THSD7B: variants seen among roughly 807,000 people sequenced by gnomAD.
THSD7B encodes the protein thrombospondin type 1 domain containing 7B.
In THSD7B, 138 loss-of-function variants were observed where a neutral mutation model predicts 213.6. The ratio of observed to expected loss-of-function variants is 0.65; its 90% confidence interval spans 0.56 to 0.74. The LOEUF is 0.74. THSD7B is among the 30% of genes least tolerant of loss of function. The probability of loss-of-function intolerance (pLI) is 0.00; values close to 1 mark genes in which losing one functional copy is unlikely to be tolerated. For missense variants in THSD7B, 1,931 were observed against 1,991.5 expected (o/e 0.97, Z 0.58); for synonymous variants, 742 against 687.0 (o/e 1.08, Z -1.25).
chr2:137,440,394 G>A (rs891270248), intron 14 of THSD7B, among the ~76,000 whole-genome samples: 2 of 151,678 alleles, frequency 1.3e-5, no homozygotes, highest in Non-Finnish European at 2.9e-5. Flanking sequence ...TGATGAGTAG[G>A]GTGAGCCTGG....
At chr2:137,315,944 G>C (rs1684088487) in intron 12 of THSD7B, among the ~76,000 whole-genome samples, 1 of 151,934 alleles carries the variant, frequency 6.6e-6, no homozygotes, top group Non-Finnish European at 1.5e-5. Flanking sequence ...TTTTTTCATT[G>C]TACAGTTATT....
At chr2:136,821,331 T>G (rs565055502) in intron 1 of THSD7B, among the ~76,000 whole-genome samples, 47 of 152,178 alleles carry the variant, frequency 3.1e-4, no homozygotes, top group Non-Finnish European at 6.2e-4. Flanking sequence ...CCTGATAATT[T>G]TGTCATACTT....
chr2:136,781,868 A>G (rs1398861243), intron 1 of THSD7B, among the ~76,000 whole-genome samples: 1 of 152,120 alleles, frequency 6.6e-6, no homozygotes, highest in Non-Finnish European at 1.5e-5. Flanking sequence ...AAATAACACC[A>G]TTACCCTTTC....
chr2:137,510,120 T>C (rs1191003705), intron 15 of THSD7B, among the ~76,000 whole-genome samples: 2 of 152,156 alleles, frequency 1.3e-5, no homozygotes, highest in African/African-American at 2.4e-5. Flanking sequence ...ACATTTAATA[T>C]AGTAATTGGT....
intron 15 of THSD7B, among the ~76,000 whole-genome samples, chr2:137,562,455 T>C (rs1681139187): frequency 6.6e-6 from 1 of 151,948 alleles, no homozygotes; most frequent in Non-Finnish European, 1.5e-5. Context: ...CAATTTCAGT[T>C]AAAAAAAATC....
intron 7 of THSD7B, among the ~76,000 whole-genome samples, chr2:137,184,908 A>C (rs1232433528): frequency 2.6e-5 from 4 of 152,162 alleles, no homozygotes; most frequent in Non-Finnish European, 5.9e-5. Context: ...CCCAAAATGA[A>C]ATTATTGGGA....
rs1340232042 is a variant in THSD7B, at chr2:137,605,094, AC to A, written c.3424-11080del. Among the ~76,000 whole-genome samples, 13 of 152,298 alleles carry A rather than the reference AC, an allele frequency of 8.5e-5. No homozygotes were observed. The East Asian group carries it at 2.3e-3, about 27-fold the overall frequency. On this transcript the variant is annotated intron_variant, in intron 17 of 27. Coordinates refer to ENST00000409968, the MANE Select transcript of THSD7B (RefSeq NM_001316349.2). ...TCTTCTCACCTCCCAGATTCTGTTC[AC>A]ATTTCAATAAGGCCTGTGGACAAAA...
At chr2:137,591,650 A>G (rs1373373457) in intron 17 of THSD7B, among the ~76,000 whole-genome samples, 3 of 151,956 alleles carry the variant, frequency 2.0e-5, no homozygotes, top group African/African-American at 7.2e-5. Flanking sequence ...TTTGTCATAA[A>G]CCAATCGAAA....
chr2:137,541,612 GCTA>G (rs1680611121), intron 15 of THSD7B, among the ~76,000 whole-genome samples: 1 of 151,574 alleles, frequency 6.6e-6, no homozygotes, highest in Non-Finnish European at 1.5e-5. Context: ...CTATAGTCAT[GCTA>G]CAGTACAGAA....
At chr2:137,448,659 A>C (rs571611321) in intron 14 of THSD7B, among the ~76,000 whole-genome samples, 100 of 152,158 alleles carry the variant, frequency 6.6e-4, no homozygotes, top group African/African-American at 2.1e-3. Context: ...ATTAGCCGGG[A>C]GCGGTGGCGG....
chr2:137,363,918 C>G (rs1573985103), intron 12 of THSD7B, among the ~76,000 whole-genome samples: 1 of 152,138 alleles, frequency 6.6e-6, no homozygotes, highest in Non-Finnish European at 1.5e-5. Context: ...GATACCAAAG[C>G]CTGGCAGAGA....
chr2:137,676,463 T>C, intron 27 of THSD7B, 61 bp from the exon 28 acceptor site: 1 of 1,423,438 alleles, frequency 7.0e-7, no homozygotes, highest in Non-Finnish European at 9.5e-7. Context: ...AAATTGTCTT[T>C]GGCAGATGAA....
At chr2:137,483,118 C>A (rs6756456) in intron 15 of THSD7B, among the ~76,000 whole-genome samples, 1 of 152,198 alleles carries the variant, frequency 6.6e-6, no homozygotes, top group African/African-American at 2.4e-5. Flanking sequence ...TGGTTCTCTG[C>A]TTCCCCTGAC....
chr2:137,031,309 C>T (rs897661026), intron 2 of THSD7B, among the ~76,000 whole-genome samples: 5 of 152,176 alleles, frequency 3.3e-5, no homozygotes, highest in African/African-American at 1.2e-4. Flanking sequence ...CATGCCACTG[C>T]ACTCTAGCCT....
intron 1 of THSD7B, among the ~76,000 whole-genome samples, chr2:136,867,403 A>G (rs1683350162): frequency 6.6e-6 from 1 of 152,334 alleles, no homozygotes; most frequent in Admixed American, 6.5e-5. Context: ...GCATGCAAAC[A>G]AGAAATGCTT....
intron 13 of THSD7B, among the ~76,000 whole-genome samples, chr2:137,407,468 A>T (rs1051195859): frequency 6.6e-6 from 1 of 152,138 alleles, no homozygotes; most frequent in Non-Finnish European, 1.5e-5. Context: ...AAAATGAATC[A>T]TTTAATATCA....
chr2:137,627,358 T>C (rs964754631), intron 20 of THSD7B, among the ~76,000 whole-genome samples: 1 of 152,064 alleles, frequency 6.6e-6, no homozygotes, highest in Non-Finnish European at 1.5e-5. Flanking sequence ...ATCCAAACCA[T>C]AGCAGGCAAA....
intron 15 of THSD7B, among the ~76,000 whole-genome samples, chr2:137,457,242 G>A (rs1687780862): frequency 6.6e-6 from 1 of 152,146 alleles, no homozygotes; most frequent in Non-Finnish European, 1.5e-5. Context: ...TCCTGTATCT[G>A]TTGTCCATGT....
chr2:137,541,273 G>A (rs1680604440), intron 15 of THSD7B, among the ~76,000 whole-genome samples: 1 of 151,442 alleles, frequency 6.6e-6, no homozygotes, highest in Non-Finnish European at 1.5e-5. Context: ...TATTTTAAAT[G>A]TCTCCTCTTT....
Sources: allele counts gnomAD v4.1 joint callset (sites outside exome capture counted in the v4.1 genomes callset), GRCh38; gene constraint gnomAD v4.1.1; transcripts MANE v1.5; gene names NCBI Gene and HGNC (gene_info 2026-07-23, HGNC 2026-07-21).